Variants in FBLN5 observed in about 807,000 individuals in gnomAD.
The protein encoded by FBLN5 is fibulin-5.
In FBLN5, 24 loss-of-function variants were observed where a neutral mutation model predicts 61.6. The ratio of observed to expected loss-of-function variants is 0.39; its 90% CI spans 0.28 to 0.55. The LOEUF (loss-of-function observed/expected upper bound fraction) is 0.55, where lower values mean the gene tolerates loss of function less well. Ranked by LOEUF, FBLN5 falls within the 20% of genes least tolerant of loss-of-function variation. The probability of loss-of-function intolerance (pLI) is 0.65; values close to 1 mark genes in which losing one functional copy is unlikely to be tolerated. For synonymous variants in FBLN5, 213 were observed against 219.8 expected (o/e 0.97, Z 0.27); for missense variants, 470 against 594.1 (o/e 0.79, Z 2.17).
chr14:91,888,636 A>G (rs972101639), intron 6 of FBLN5, among the ~76,000 whole-genome samples: 6 of 151,082 alleles, frequency 4.0e-5, no homozygotes, highest in African/African-American at 1.2e-4. Flanking sequence ...ACATATATAT[A>G]TATATACACA....
At chr14:91,887,157 G>A in intron 7 of FBLN5, 36 bp downstream of exon 7, 1 of 1,612,642 alleles carries the variant, frequency 6.2e-7, no homozygotes, top group Admixed American at 1.7e-5. Flanking sequence ...CAGGCCCCAA[G>A]TACAGGTGGA....
chr14:91,915,734 A>G (rs531732950), intron 4 of FBLN5, among the ~76,000 whole-genome samples: 1 of 151,540 alleles, frequency 6.6e-6, no homozygotes, highest in Admixed American at 6.6e-5. Flanking sequence ...GTAGCTAAAA[A>G]TCTTCCCACT....
intron 10 of FBLN5, among the ~76,000 whole-genome samples, chr14:91,871,332 C>T (rs575712025): frequency 6.6e-6 from 1 of 151,836 alleles, no homozygotes; most frequent in South Asian, 2.1e-4. Flanking sequence ...TAGGTGATGC[C>T]TGGGAAAGGT....
chr14:91,887,119 A>G, intron 7 of FBLN5, 74 bp downstream of exon 7: 1 of 1,537,468 alleles, frequency 6.5e-7, no homozygotes. Context: ...ACACCTATGA[A>G]GGAAGCCCTT....
In FBLN5 at chr14:91,887,516, C is replaced by T. The variant is rs142398791; in HGVS notation, c.620-204G>A. ...GGACCGGGGCCTCCATCCACATGTC[C>T]CTTCTGGGGTCAAAAGTCAGGCAAA... is the stretch of plus-strand genomic sequence containing the variant. On this transcript the variant is annotated intron_variant, in intron 6 of 10. Transcript: ENST00000342058. Among the ~76,000 whole-genome samples the T allele has an allele frequency of 2.9e-4, 44 of 152,144 alleles. No homozygotes were observed. The East Asian group carries it at 8.3e-3, about 29-fold the overall frequency.
chr14:91,876,546 G>T (rs978223428), intron 10 of FBLN5, among the ~76,000 whole-genome samples: 1 of 152,142 alleles, frequency 6.6e-6, no homozygotes, highest in South Asian at 2.1e-4. Context: ...AAATCTACTC[G>T]CAGGTGTTAA....
rs140309420 is a variant in FBLN5 at position 91,874,630 on chromosome 14, T to A, written c.1185+2857A>T. On this transcript the variant is annotated intron_variant, in intron 10 of 10. Coordinates refer to ENST00000342058, the MANE Select transcript of FBLN5 (RefSeq NM_006329.4). ...GATAAAACCATCCTATATCATAGGA[T>A]TCTTGTGAAGATTAAAGGGTTACTG... The A allele has an allele frequency of 4.0e-4, 61 of 152,266 alleles. 1 individual carries two copies. The highest frequency in any genetic ancestry group is 1.2e-3 in the African/African-American group (49 of 41,552). 9.4% of individuals were successfully genotyped at this position (152,266 alleles called of 1,614,324 possible).
chr14:91,919,933 C>T (rs17732508), intron 4 of FBLN5, among the ~76,000 whole-genome samples: 4,957 of 152,290 alleles, frequency 0.033, 124 homozygotes, highest in Non-Finnish European at 0.053. Context: ...GGCTTTCCCC[C>T]TGGCCCTGAG....
At chr14:91,921,887 C>G (rs1313205266) in intron 4 of FBLN5, among the ~76,000 whole-genome samples, 1 of 152,202 alleles carries the variant, frequency 6.6e-6, no homozygotes, top group Non-Finnish European at 1.5e-5. Flanking sequence ...TATGACCAAC[C>G]AGGGCACGTC....
At chr14:91,890,221 C>T (rs938964872) in intron 6 of FBLN5, among the ~76,000 whole-genome samples, 6 of 152,206 alleles carry the variant, frequency 3.9e-5, no homozygotes, top group Non-Finnish European at 7.3e-5. Context: ...GGGTCAAACT[C>T]TTTAACACTG....
rs72705373 is a variant in FBLN5, at chr14:91,943,917, G to C, written c.18-956C>G. Among the ~76,000 whole-genome samples, 53,074 of 152,016 alleles carry C rather than the reference G, an allele frequency of 0.35. 9,644 individuals carry two copies. Among genetic ancestry groups the C allele is most frequent in the Middle Eastern group, 0.46 (134 of 294 alleles). On this transcript the variant is annotated intron_variant, in intron 1 of 10. Transcript: ENST00000342058. The surrounding 1 kb of genome is among the most constrained non-coding windows in gnomAD (Gnocchi z 4.0). ...GCGGGAAAACAGGAGGAGGAGTCAC[G>C]CACCCTGGGCTCAGTTCTGCCATGC...
intron 7 of FBLN5, among the ~76,000 whole-genome samples, chr14:91,883,777 G>A (rs951171068): frequency 2.0e-5 from 3 of 151,962 alleles, no homozygotes; most frequent in South Asian, 4.1e-4. Flanking sequence ...CGCCTACCTC[G>A]GATCCTCCCT....
intron 4 of FBLN5, among the ~76,000 whole-genome samples, chr14:91,909,791 G>A (rs181216398): frequency 2.0e-5 from 3 of 152,152 alleles, no homozygotes; most frequent in Admixed American, 1.3e-4. Flanking sequence ...CCTGGTCTGT[G>A]GTGTTCAGTT....
chr14:91,944,996 C>T (rs1414956489), intron 1 of FBLN5, among the ~76,000 whole-genome samples: 1 of 152,126 alleles, frequency 6.6e-6, no homozygotes, highest in East Asian at 1.9e-4. Context: ...TTTGGGAGGC[C>T]GAGGTGGGTG....
rs143767679 is a variant in FBLN5 at position 91,891,294 on chromosome 14, C to A, written c.546G>T (p.Ala182=). The A allele has an allele frequency of 1.2e-6, 2 of 1,613,952 alleles. No homozygotes were observed. The highest frequency in any genetic ancestry group is 1.7e-5 in the Admixed American group (1 of 60,020). ...TACAAGAATAGGATCCAGGAACATT[C>A]GCACAGAGCTGCTGGCAGTAACCAT... is the stretch of plus-strand genomic sequence containing the variant. The part of the protein sequence containing the change: ...CRYGYCQQLC[A]NVPGSYSCTC... The change falls in exon 6 of 11, where the codon GCG becomes GCT. Residue 182 remains alanine (A), a synonymous_variant. Transcript: ENST00000342058.
chr14:91,945,076 C>CA lies in FBLN5; in HGVS notation c.18-2116dup, dbSNP rs544758445. ...TGAAACCCCGTCTCTACTAAAAATA[C>CA]AAAAATTAGCCGACTGTGGTGGCAG... On this transcript the variant is annotated intron_variant, in intron 1 of 10. Transcript: ENST00000342058. 7.0e-3 allele frequency among the ~76,000 whole-genome samples: 1,070 copies of CA among 152,054 alleles called. 11 individuals carry two copies. Among genetic ancestry groups the CA allele is most frequent in the African/African-American group, 0.024 (998 of 41,484 alleles).
Position 91,946,518 on chromosome 14 carries a change from GCACA to G in FBLN5, c.17+691_17+694del, listed in dbSNP as rs34059355. Among the ~76,000 whole-genome samples the G allele has an allele frequency of 2.0e-4, 30 of 149,456 alleles. 1 individual carries two copies. Among genetic ancestry groups the G allele is most frequent in the East Asian group, 1.6e-3 (8 of 5,090 alleles). On this transcript the variant is annotated intron_variant, in intron 1 of 10. Coordinates refer to ENST00000342058, the MANE Select transcript of FBLN5 (RefSeq NM_006329.4). ...TGACATTGTTACAGCTTAGTTTTCA[GCACA>G]CACACACACACACACACACCCCACA... is the stretch of plus-strand genomic sequence containing the variant.
At chr14:91,914,260 G>C (rs1040195459) in intron 4 of FBLN5, among the ~76,000 whole-genome samples, 7 of 151,974 alleles carry the variant, frequency 4.6e-5, no homozygotes, top group African/African-American at 1.7e-4. Flanking sequence ...GGCAGATCAC[G>C]AGGTCAGGAG....
At position 91,930,687 on chromosome 14, in the gene FBLN5, A is replaced by T. The variant is rs1354885899; in HGVS notation, c.379+6260T>A. 5.3e-5 allele frequency among the ~76,000 whole-genome samples: 8 copies of T among 152,260 alleles called. No individual in the cohort carries two copies. The East Asian group carries it at 1.4e-3, about 26-fold the overall frequency. On this transcript the variant is annotated intron_variant, in intron 4 of 10. Coordinates refer to ENST00000342058, the MANE Select transcript of FBLN5 (RefSeq NM_006329.4). ...CTCCTCCCTAGTTTTTGCTAACCAC[A>T]GTCCTGTCAGCATTAGGGGCTGAGG...
Sources: allele counts gnomAD v4.1 joint callset (sites outside exome capture counted in the v4.1 genomes callset), GRCh38; gene constraint gnomAD v4.1.1; non-coding constraint Gnocchi (gnomAD v3.1); transcripts MANE v1.5; gene names NCBI Gene and HGNC (gene_info 2026-07-23, HGNC 2026-07-21).